Variants in STXBP5L observed in about 807,000 individuals in gnomAD.
STXBP5L encodes syntaxin binding protein 5L.
In STXBP5L, 65 loss-of-function variants were observed where a neutral mutation model predicts 144.5. That is an observed-to-expected ratio of 0.45 (90% CI 0.37 to 0.55). STXBP5L has a LOEUF of 0.55. Ranked by LOEUF, STXBP5L falls within the 20% of genes least tolerant of loss-of-function variation. The pLI is 0.00. For missense variants in STXBP5L, 1,298 were observed against 1,405.5 expected (o/e 0.92, Z 1.22); for synonymous variants, 505 against 469.6 (o/e 1.08, Z -0.97).
At chr3:121,163,102 C>T (rs182571563) in intron 9 of STXBP5L, among the ~76,000 whole-genome samples, 1 of 152,174 alleles carries the variant, frequency 6.6e-6, no homozygotes, top group South Asian at 2.1e-4. Flanking sequence ...AATCATTCTA[C>T]TATAAAGACA....
intron 19 of STXBP5L, among the ~76,000 whole-genome samples, chr3:121,317,047 T>A (rs2043811140): frequency 6.6e-6 from 1 of 152,222 alleles, no homozygotes; most frequent in African/African-American, 2.4e-5. Context: ...TTTTCCTAAT[T>A]TGTATATCTA....
intron 19 of STXBP5L, among the ~76,000 whole-genome samples, chr3:121,313,123 C>A (rs1434095428): frequency 1.4e-5 from 2 of 139,286 alleles, no homozygotes; most frequent in Non-Finnish European, 3.1e-5. Flanking sequence ...GACGGGGCGG[C>A]TGGCCAGGCA....
intron 5 of STXBP5L, among the ~76,000 whole-genome samples, chr3:121,100,121 A>G (rs553382674): frequency 6.6e-5 from 10 of 152,310 alleles, no homozygotes; most frequent in Admixed American, 2.6e-4. Flanking sequence ...AGACCTATAA[A>G]AAGACTTAGA....
chr3:121,318,451 C>A, intron 19 of STXBP5L, 24 bp from the exon 20 acceptor site: 3 of 1,525,840 alleles, frequency 2.0e-6, no homozygotes, highest in Non-Finnish European at 2.6e-6. Flanking sequence ...AAATTTATCT[C>A]ATTTTTTTTC....
At chr3:121,011,149 A>G (rs746676103) in intron 3 of STXBP5L, among the ~76,000 whole-genome samples, 2 of 150,606 alleles carry the variant, frequency 1.3e-5, no homozygotes, top group Non-Finnish European at 3.0e-5. Context: ...CCTCATTATC[A>G]TAGTCATTTT....
rs571290079 is a variant in STXBP5L, at chr3:121,341,434, C to T, written c.2176+22894C>T. On this transcript the variant is annotated intron_variant, in intron 20 of 26. Coordinates refer to ENST00000471454, the MANE Select transcript of STXBP5L (RefSeq NM_001308330.2). ...CTGTTGGTGGGAATGTAAATTAGTA[C>T]AGCCACTATGGAGAACAGTTTAGAA... Among the ~76,000 whole-genome samples, 199 of 152,210 alleles carry T rather than the reference C, an allele frequency of 1.3e-3. 1 individual carries two copies. Among genetic ancestry groups the T allele is most frequent in the Admixed American group, 3.9e-3 (60 of 15,262 alleles).
At chr3:121,075,020 T>C (rs2041962799) in intron 5 of STXBP5L, among the ~76,000 whole-genome samples, 1 of 152,208 alleles carries the variant, frequency 6.6e-6, no homozygotes, top group South Asian at 2.1e-4. Flanking sequence ...AGTCCACTTT[T>C]TGGCCCTCTA....
At chr3:121,018,023 G>A (rs556833945) in intron 3 of STXBP5L, among the ~76,000 whole-genome samples, 8 of 152,308 alleles carry the variant, frequency 5.3e-5, no homozygotes, top group African/African-American at 1.9e-4. Flanking sequence ...AGGTTGCAGT[G>A]AGCCACGATC....
intron 20 of STXBP5L, among the ~76,000 whole-genome samples, chr3:121,364,883 ATTTC>A (rs1258033833): frequency 3.3e-5 from 5 of 151,614 alleles, no homozygotes; most frequent in African/African-American, 1.2e-4. Flanking sequence ...TATTGAGATA[ATTTC>A]TTTCTATTTC....
intron 5 of STXBP5L, among the ~76,000 whole-genome samples, chr3:121,087,304 G>T (rs949137759): frequency 5.9e-5 from 9 of 151,952 alleles, no homozygotes; most frequent in Admixed American, 1.3e-4. Context: ...AAGAATCATG[G>T]ATTTCTTTTT....
chr3:121,368,177 T>C (rs77559916), intron 20 of STXBP5L, among the ~76,000 whole-genome samples: 5 of 152,058 alleles, frequency 3.3e-5, no homozygotes, highest in Non-Finnish European at 1.5e-5. Context: ...TGAATTTTTT[T>C]CTTTCTGTTT....
At chr3:121,213,486 T>C (rs2048659694) in intron 10 of STXBP5L, among the ~76,000 whole-genome samples, 1 of 152,206 alleles carries the variant, frequency 6.6e-6, no homozygotes, top group South Asian at 2.1e-4. Flanking sequence ...TTGTCATTAG[T>C]TAGTTCTATT....
intron 19 of STXBP5L, among the ~76,000 whole-genome samples, chr3:121,307,080 C>G (rs1212939699): frequency 1.3e-5 from 2 of 152,078 alleles, no homozygotes; most frequent in African/African-American, 4.8e-5. Context: ...TTCTGAGAAG[C>G]AACCTCAAAG....
At chr3:121,086,239 A>T (rs2042485666) in intron 5 of STXBP5L, among the ~76,000 whole-genome samples, 1 of 152,108 alleles carries the variant, frequency 6.6e-6, no homozygotes, top group South Asian at 2.1e-4. Flanking sequence ...TTTTAGCTAT[A>T]TCTGACAAAT....
intron 24 of STXBP5L, among the ~76,000 whole-genome samples, chr3:121,414,157 GT>G (rs35660268): frequency 0.68 from 103,594 of 151,952 alleles, 35,948 homozygotes; most frequent in African/African-American, 0.82. Context: ...TAATTATTGA[GT>G]TTTTTTCTAT....
intron 9 of STXBP5L, among the ~76,000 whole-genome samples, chr3:121,187,015 A>G (rs2047411679): frequency 6.6e-6 from 1 of 152,184 alleles, no homozygotes; most frequent in South Asian, 2.1e-4. Flanking sequence ...GTGATTCCTC[A>G]GGGATCTAGA....
intron 5 of STXBP5L, among the ~76,000 whole-genome samples, chr3:121,055,550 TC>T (rs1236534272): frequency 2.0e-5 from 3 of 151,968 alleles, no homozygotes; most frequent in African/African-American, 7.3e-5. Context: ...CTGCTCTGTC[TC>T]CCAGGCTGGA....
chr3:121,389,089 A>G (rs543049707), intron 22 of STXBP5L, among the ~76,000 whole-genome samples: 4 of 152,240 alleles, frequency 2.6e-5, no homozygotes, highest in African/African-American at 9.6e-5. Flanking sequence ...GTCTATTCAG[A>G]GATTCAACTT....
At position 121,189,962 on chromosome 3, in the gene STXBP5L, C is replaced by T. The variant is rs114651062; in HGVS notation, c.878-15961C>T. On this transcript the variant is annotated intron_variant, in intron 9 of 26. Transcript: ENST00000471454. The stretch of plus-strand genomic sequence containing the variant: ...CATAGAAAGCACTTATAAGTGTAAT[C>T]GATTATATCTTTAAGCATCTTGGCA... Among the ~76,000 whole-genome samples the T allele has an allele frequency of 3.6e-3, 549 of 152,094 alleles. 5 individuals are homozygous for T. The highest frequency in any genetic ancestry group is 0.011 in the African/African-American group (452 of 41,500).
Sources: gnomAD v4.1 joint callset for allele counts (sites outside exome capture counted in the v4.1 genomes callset) on GRCh38, gnomAD v4.1.1 for gene constraint, MANE v1.5 for transcripts, NCBI Gene and HGNC (gene_info 2026-07-23, HGNC 2026-07-21) for gene names.